Variants in PPP2R5D observed in about 807,000 individuals in gnomAD.
The protein encoded by PPP2R5D is serine/threonine-protein phosphatase 2A 56 kDa regulatory subunit delta isoform.
In PPP2R5D, 12 loss-of-function variants were observed where a neutral mutation model predicts 79.1. That is an observed-to-expected ratio of 0.15 (90% CI 0.10 to 0.25). PPP2R5D has a LOEUF of 0.25. PPP2R5D is among the 10% of genes least tolerant of loss of function. The probability of loss-of-function intolerance (pLI) is 1.00; values close to 1 mark genes in which losing one functional copy is unlikely to be tolerated. For synonymous variants in PPP2R5D, 277 were observed against 286.6 expected, an observed-to-expected ratio of 0.97 and a Z score of 0.34; for missense variants, 419 against 760.2, an observed-to-expected ratio of 0.55 and a Z score of 5.28.
At position 43,009,560 on chromosome 6, in the gene PPP2R5D, G is replaced by C. The variant is rs1199838578; in HGVS notation, c.1379+111G>C. 3 of 1,436,566 alleles carry C rather than the reference G, an allele frequency of 2.1e-6. No homozygotes were observed. Among genetic ancestry groups the C allele is most frequent in the South Asian group, 1.2e-5 (1 of 81,744 alleles). 89.0% of individuals were successfully genotyped at this position (1,436,566 alleles called of 1,614,324 possible). A position where few individuals can be genotyped will look rare whatever the true frequency, so the allele number is the denominator to read the frequency against. On this transcript the variant is annotated intron_variant, in intron 12 of 15. Transcript: ENST00000485511. This position sits in a 1 kb window ranked among gnomAD's most constrained non-coding sequence, Gnocchi z 5.6. ...ACCTAGTCACCCAGCAAGTGGGGCTGATGTCCCCTGCATGTTGATAGGACC... is the reference window on the plus strand; with the variant it reads ...ACCTAGTCACCCAGCAAGTGGGGCTCATGTCCCCTGCATGTTGATAGGACC...
intron 2 of PPP2R5D, among the ~76,000 whole-genome samples, chr6:42,991,897 G>A (rs1004504485): frequency 1.3e-5 from 2 of 152,198 alleles, no homozygotes; most frequent in African/African-American, 4.8e-5. Context: ...ACCTTGGGCT[G>A]TTTGGTGAAA....
At chr6:42,998,015 TTATATATA>T (rs1561843629) in intron 2 of PPP2R5D, among the ~76,000 whole-genome samples, 1,120 of 32,170 alleles carry the variant, frequency 0.035, 36 homozygotes, top group Non-Finnish European at 0.043. Context: ...TGGGTTTTAT[TTATATATA>T]TATATATATA....
At position 43,009,528 on chromosome 6, in the gene PPP2R5D, G is replaced by T; in HGVS notation, c.1379+79G>T. On this transcript the variant is annotated intron_variant, in intron 12 of 15. Transcript: ENST00000485511. This position sits in a 1 kb window ranked among gnomAD's most constrained non-coding sequence, Gnocchi z 5.6. ...GGGTATGGAAGAACTAAAGAGCCAG[G>T]GGTCTCACCTAGTCACCCAGCAAGT... 1 of 1,584,056 alleles carries T rather than the reference G, an allele frequency of 6.3e-7. No individual in the cohort carries two copies. The highest frequency in any genetic ancestry group is 2.2e-5 in the East Asian group (1 of 44,672).
intron 1 of PPP2R5D, among the ~76,000 whole-genome samples, chr6:42,988,903 T>G (rs1771045412): frequency 6.6e-6 from 1 of 152,188 alleles, no homozygotes; most frequent in Non-Finnish European, 1.5e-5. Flanking sequence ...GCTCGAAGCA[T>G]AGGAAGAGAT....
chr6:43,001,552 G>T (rs746506129), intron 2 of PPP2R5D, among the ~76,000 whole-genome samples: 5 of 151,982 alleles, frequency 3.3e-5, no homozygotes, highest in Non-Finnish European at 5.9e-5. Flanking sequence ...GGAAATAATA[G>T]TAATAGTAGT....
At chr6:42,987,899 G>A (rs1268036698) in intron 1 of PPP2R5D, among the ~76,000 whole-genome samples, 1 of 152,176 alleles carries the variant, frequency 6.6e-6, no homozygotes, top group Non-Finnish European at 1.5e-5. Context: ...CTTTGTTCAA[G>A]GGGTTCATGT....
intron 2 of PPP2R5D, among the ~76,000 whole-genome samples, chr6:42,994,324 G>C (rs781477811): frequency 4.6e-5 from 7 of 152,196 alleles, no homozygotes; most frequent in Non-Finnish European, 1.0e-4. Context: ...TATTCAGCCA[G>C]TAAGGCAGTA....
chr6:42,987,997 G>C (rs1173967581), intron 1 of PPP2R5D, among the ~76,000 whole-genome samples: 1 of 152,104 alleles, frequency 6.6e-6, no homozygotes, highest in Non-Finnish European at 1.5e-5. Flanking sequence ...CTCAGCCACT[G>C]ATAAGGGTCA....
chr6:43,003,470 AGCT>A (rs1761887404), intron 2 of PPP2R5D, among the ~76,000 whole-genome samples: 1 of 152,174 alleles, frequency 6.6e-6, no homozygotes, highest in African/African-American at 2.4e-5. Context: ...TTTAAAAATT[AGCT>A]GCATTTCTCC....
At position 42,984,672 on chromosome 6, in the gene PPP2R5D, G is replaced by A. The variant is rs754461868; in HGVS notation, c.-6G>A. ...CAGGAGACGGGCCGGGTCCGGACGG[G>A]CCGAGATGCCCTATAAACTGAAAAA... On this transcript the variant is annotated 5_prime_UTR_variant, in exon 1 of 16. Coordinates refer to ENST00000485511, the MANE Select transcript of PPP2R5D (RefSeq NM_006245.4). 1.2e-6 allele frequency: 2 copies of A among 1,607,552 alleles called. No homozygotes were observed. The highest frequency in any genetic ancestry group is 1.7e-6 in the Non-Finnish European group (2 of 1,177,560).
chr6:43,007,023 G>C lies in PPP2R5D; in HGVS notation c.435G>C (p.Lys145Asn). The part of the protein sequence containing the change: ...PLSDLKFKEV[K>N]RAGLNEMVEY... ...GTGACCTCAAATTCAAGGAGGTGAA[G>C]CGGGCAGGACTCAACGAGATGGTGG... Residue 145 changes from lysine (K) to asparagine (N), a missense_variant, in exon 4 of 16, where the codon AAG becomes AAC. Physicochemically the swap from Lys to Asn is moderately conservative, Grantham distance 94. This residue lies in a region of PPP2R5D where 29 missense variants were observed against 64.2 expected (regional missense o/e 0.45). Coordinates refer to ENST00000485511, the MANE Select transcript of PPP2R5D (RefSeq NM_006245.4). This position sits in a 1 kb window ranked among gnomAD's most constrained non-coding sequence, Gnocchi z 4.5. The C allele has an allele frequency of 6.2e-7, 1 of 1,614,188 alleles. No homozygotes were observed. The highest frequency in any genetic ancestry group is 8.5e-7 in the Non-Finnish European group (1 of 1,180,034).
chr6:43,011,690 G>A lies in PPP2R5D; in HGVS notation c.*404G>A. ...TCTCTCTCCCCTGCAGAGGCATGTA[G>A]GGAACAGCAGGAGATTATTCTCACC... On this transcript the variant is annotated 3_prime_UTR_variant, in exon 16 of 16. Transcript: ENST00000485511. 4.9e-6 allele frequency: 1 copy of A among 203,982 alleles called. No individual in the cohort carries two copies. The highest frequency in any genetic ancestry group is 1.0e-5 in the Non-Finnish European group (1 of 99,552). 12.6% of individuals were successfully genotyped at this position (203,982 alleles called of 1,614,324 possible). A position where few individuals can be genotyped will look rare whatever the true frequency, so the allele number is the denominator to read the frequency against.
Position 43,009,774 on chromosome 6 carries a change from C to T in PPP2R5D, c.1379+325C>T, listed in dbSNP as rs1248715755. ...TCTTTGAGAGTATGTGTAAAGAATCCCAGGGTTTTAGGCCGGGCACGGTGT... is the reference window on the plus strand; with the variant it reads ...TCTTTGAGAGTATGTGTAAAGAATCTCAGGGTTTTAGGCCGGGCACGGTGT... On this transcript the variant is annotated intron_variant, in intron 12 of 15. Transcript: ENST00000485511. The surrounding 1 kb of genome is among the most constrained non-coding windows in gnomAD (Gnocchi z 5.6). 6.6e-6 allele frequency among the ~76,000 whole-genome samples: 1 copy of T among 152,028 alleles called. No individual in the cohort carries two copies. The highest frequency in any genetic ancestry group is 1.5e-5 in the Non-Finnish European group (1 of 67,992).
chr6:43,009,019 C>T lies in PPP2R5D; in HGVS notation c.1081-38C>T, dbSNP rs1291675593. 1 of 1,602,028 alleles carries T rather than the reference C, an allele frequency of 6.2e-7. No homozygotes were observed. Among genetic ancestry groups the T allele is most frequent in the Non-Finnish European group, 8.5e-7 (1 of 1,172,730 alleles). On this transcript the variant is annotated intron_variant, in intron 10 of 15. Transcript: ENST00000485511. This position sits in a 1 kb window ranked among gnomAD's most constrained non-coding sequence, Gnocchi z 5.6. Reference sequence around the variant, plus strand: ...AACTTCCTGGTGACCTAGGCAGGTGCAAAGAATTTTCATCCCCATGCCCTC... The same window carrying T: ...AACTTCCTGGTGACCTAGGCAGGTGTAAAGAATTTTCATCCCCATGCCCTC...
chr6:43,012,168 G>C lies in PPP2R5D; in HGVS notation c.*882G>C. 1 of 1,092,564 alleles carries C rather than the reference G, an allele frequency of 9.2e-7. No homozygotes were observed. The highest frequency in any genetic ancestry group is 4.3e-5 in the South Asian group (1 of 23,294). The allele number at this position is 1,092,564 out of a possible 1,614,324, so 67.7% of individuals were successfully genotyped here. On this transcript the variant is annotated 3_prime_UTR_variant, in exon 16 of 16. Transcript: ENST00000485511. The stretch of plus-strand genomic sequence containing the variant: ...TTCTCTTGTCCCTTATAGGTACCTT[G>C]GAGGGGCCAGGGGCTGAGGAAGGCC...
At position 43,011,295 on chromosome 6, in the gene PPP2R5D, G is replaced by A. The variant is rs764085028; in HGVS notation, c.*9G>A. Reference sequence around the variant, plus strand: ...GCCAGGAGGCTCTCTGACCCCTCACGTTCCTACCACAGGGCCACAGCCCAC... The same window carrying A: ...GCCAGGAGGCTCTCTGACCCCTCACATTCCTACCACAGGGCCACAGCCCAC... On this transcript the variant is annotated 3_prime_UTR_variant, in exon 16 of 16. Coordinates refer to ENST00000485511, the MANE Select transcript of PPP2R5D (RefSeq NM_006245.4). 6.8e-6 allele frequency: 11 copies of A among 1,613,426 alleles called. No individual in the cohort carries two copies. The highest frequency in any genetic ancestry group is 1.7e-4 in the Middle Eastern group (1 of 5,882).
chr6:43,008,821 G>A lies in PPP2R5D; in HGVS notation c.1080+75G>A. The A allele has an allele frequency of 6.6e-7, 1 of 1,510,134 alleles. No homozygotes were observed. Among genetic ancestry groups the A allele is most frequent in the Non-Finnish European group, 9.1e-7 (1 of 1,095,124 alleles). 93.5% of individuals were successfully genotyped at this position (1,510,134 alleles called of 1,614,324 possible). A position where few individuals can be genotyped will look rare whatever the true frequency, so the allele number is the denominator to read the frequency against. ...TTGCCAGTCTGTACCTACTGGGGGT[G>A]CCATAAGGGGGAACTCAGGAGGGCT... On this transcript the variant is annotated intron_variant, in intron 10 of 15. Transcript: ENST00000485511. This position sits in a 1 kb window ranked among gnomAD's most constrained non-coding sequence, Gnocchi z 4.2.
intron 1 of PPP2R5D, among the ~76,000 whole-genome samples, chr6:42,985,399 A>G (rs1755506147): frequency 6.6e-6 from 1 of 152,214 alleles, no homozygotes; most frequent in Non-Finnish European, 1.5e-5. Context: ...GAGGAGACTG[A>G]GGCCCCGACA....
Position 43,011,348 on chromosome 6 carries a change from C to A in PPP2R5D, c.*62C>A, listed in dbSNP as rs947130434. On this transcript the variant is annotated 3_prime_UTR_variant, in exon 16 of 16. Coordinates refer to ENST00000485511, the MANE Select transcript of PPP2R5D (RefSeq NM_006245.4). ...AGCCCTGGGACACTGCCCTGGCCCT[C>A]CATACTCTGCTCCCTACTGGCTGTC... 17 of 1,601,048 alleles carry A rather than the reference C, an allele frequency of 1.1e-5. No homozygotes were observed. Among genetic ancestry groups the A allele is most frequent in the Non-Finnish European group, 1.4e-5 (17 of 1,172,752 alleles).
Sources: allele counts gnomAD v4.1 joint callset (sites outside exome capture counted in the v4.1 genomes callset), GRCh38; gene constraint gnomAD v4.1.1; regional missense constraint gnomAD v4.1.1; non-coding constraint Gnocchi (gnomAD v3.1); transcripts MANE v1.5; gene names NCBI Gene and HGNC (gene_info 2026-07-23, HGNC 2026-07-21).